The following TPM3 variants were observed in gnomAD, a reference collection of about 807,000 sequenced individuals.
TPM3 encodes tropomyosin alpha-3 chain.
Under a neutral mutation model 43.1 loss-of-function variants are expected in TPM3, and 16 were observed. The ratio of observed to expected loss-of-function variants is 0.37; its 90% confidence interval spans 0.25 to 0.56. TPM3 has a LOEUF of 0.56. Among genes scored for constraint, TPM3 ranks in the 20% least tolerant of loss-of-function variants. The pLI is 0.77. For synonymous variants in TPM3, 101 were observed against 116.9 expected (o/e 0.86, Z 0.88); for missense variants, 176 against 337.2 (o/e 0.52, Z 3.74).
chr1:154,181,153 T>C (rs1662898858), intron 2 of TPM3, among the ~76,000 whole-genome samples: 1 of 152,114 alleles, frequency 6.6e-6, no homozygotes, highest in Admixed American at 6.5e-5. Context: ...TAATAAGAAG[T>C]TGTTGGCAAA....
At chr1:154,158,839 C>T, downstream of TPM3, 1 of 696,914 alleles carries the variant, frequency 1.4e-6, no homozygotes, top group Admixed American at 2.0e-5. Context: ...ATTCTAACTG[C>T]CCCAATTAAA....
chr1:154,189,199 T>G, intron 2 of TPM3, among the ~76,000 whole-genome samples: 1 of 130,654 alleles, frequency 7.7e-6, no homozygotes, highest in Non-Finnish European at 1.6e-5. Flanking sequence ...CGCAGTGGCT[T>G]AGGCTGGGCG....
intron 8 of TPM3, 128 bp from the exon 9 acceptor site, chr1:154,169,511 A>G: frequency 1.1e-6 from 1 of 890,668 alleles, no homozygotes; most frequent in Non-Finnish European, 1.8e-6. Context: ...CAGTTAGGAA[A>G]ATATCTACTC....
At chr1:154,191,653 C>T in intron 1 of TPM3, 1 of 1,427,238 alleles carries the variant, frequency 7.0e-7, no homozygotes, top group Non-Finnish European at 9.1e-7. Flanking sequence ...GTCAAGGGTT[C>T]TTCCAAAACA....
Position 154,166,476 on chromosome 1 carries a change from G to C in TPM3, c.*1461C>G, listed in dbSNP as rs1255946768. On this transcript the variant is annotated 3_prime_UTR_variant, in exon 10 of 10. Coordinates refer to ENST00000651641, the MANE Select transcript of TPM3 (RefSeq NM_152263.4). ...TAGCACACTACAGTGCAGAACTCCT[G>C]GGCTCAAGCAATCCTCCTGCCTCAG... The C allele has an allele frequency of 4.0e-6, 4 of 996,094 alleles. No individual in the cohort carries two copies. Among genetic ancestry groups the C allele is most frequent in the Non-Finnish European group, 4.9e-6 (4 of 818,526 alleles). The allele number at this position is 996,094 out of a possible 1,614,324, so 61.7% of individuals were successfully genotyped here.
At chr1:154,186,297 T>C (rs564895238) in intron 2 of TPM3, among the ~76,000 whole-genome samples, 1 of 151,588 alleles carries the variant, frequency 6.6e-6, no homozygotes, top group African/African-American at 2.4e-5. Context: ...CCCTGTGCCC[T>C]GGTAAAGCAG....
At chr1:154,183,013 T>C in intron 2 of TPM3, 3 of 1,610,436 alleles carry the variant, frequency 1.9e-6, no homozygotes, top group Non-Finnish European at 2.5e-6. Flanking sequence ...CCTTTCTCCC[T>C]CAACTTCTCG....
chr1:154,162,952 A>G lies in TPM3; in HGVS notation c.*4985T>C, dbSNP rs1660538528. Among the ~76,000 whole-genome samples, 3 of 152,112 alleles carry G rather than the reference A, an allele frequency of 2.0e-5. No individual in the cohort carries two copies. In the South Asian group the frequency reaches 6.2e-4, roughly 32 times the overall value. On this transcript the variant is annotated 3_prime_UTR_variant, in exon 10 of 10. Transcript: ENST00000651641. ...CAGCCTCTCGAGTAGTTGGGACTAC[A>G]GGCATGTGCCACCATGTCCAGCTAA...
At chr1:154,158,960 C>T (rs368581958), downstream of TPM3, 1 of 780,104 alleles carries the variant, frequency 1.3e-6, no homozygotes, top group African/African-American at 1.7e-5. Flanking sequence ...CATCATTGAG[C>T]CCTGCCCATC....
chr1:154,165,799 A>G lies in TPM3; in HGVS notation c.*2138T>C, dbSNP rs566002553. On this transcript the variant is annotated 3_prime_UTR_variant, in exon 10 of 10. Transcript: ENST00000651641. Reference sequence around the variant, plus strand: ...AGTCAAACTCCGTCTCAAAAAAAAAAAAAAAAAGAAAAAAAGAAAAAAGTT... The same window carrying G: ...AGTCAAACTCCGTCTCAAAAAAAAAGAAAAAAAGAAAAAAAGAAAAAAGTT... Among the ~76,000 whole-genome samples the G allele has an allele frequency of 4.9e-4, 74 of 151,946 alleles. 2 individuals are homozygous for G. The East Asian group carries it at 0.014, about 28-fold the overall frequency.
chr1:154,159,076 C>G (rs1427052734), downstream of TPM3: 1 of 779,710 alleles, frequency 1.3e-6, no homozygotes, highest in Admixed American at 1.7e-5. Flanking sequence ...AGGAGGGGAA[C>G]ACAAGAGAAG....
chr1:154,158,976 C>T (rs757808319), downstream of TPM3: 1 of 780,618 alleles, frequency 1.3e-6, no homozygotes, highest in Admixed American at 1.7e-5. Context: ...CCATCAGTCA[C>T]ACAGATCATG....
intron 2 of TPM3, among the ~76,000 whole-genome samples, chr1:154,179,609 C>T (rs572661418): frequency 1.3e-5 from 2 of 152,226 alleles, no homozygotes; most frequent in South Asian, 4.1e-4. Flanking sequence ...TCCCCCAGTG[C>T]CGATACTCGC....
At chr1:154,176,021 G>C (rs1276455954) in intron 3 of TPM3, 94 bp downstream of exon 3, 10 of 1,591,528 alleles carry the variant, frequency 6.3e-6, no homozygotes, top group Non-Finnish European at 8.6e-6. Flanking sequence ...CACGCAGCCA[G>C]AATTGCTATT....
chr1:154,182,686 C>T (rs2148281150), intron 2 of TPM3, among the ~76,000 whole-genome samples: 1 of 152,262 alleles, frequency 6.6e-6, no homozygotes, highest in South Asian at 2.1e-4. Context: ...CCTCCCACGG[C>T]CGCGCCCGGA....
Position 154,167,936 on chromosome 1 carries a change from A to T in TPM3, c.*1T>A. On this transcript the variant is annotated 3_prime_UTR_variant, in exon 10 of 10. Coordinates refer to ENST00000651641, the MANE Select transcript of TPM3 (RefSeq NM_152263.4). ...CCAGAACAGAGCAGAAACGGTGATA[A>T]TTATCTGTATGAAAAAGTAAGGATA... 3.1e-6 allele frequency: 5 copies of T among 1,614,100 alleles called. No homozygotes were observed. The highest frequency in any genetic ancestry group is 4.2e-6 in the Non-Finnish European group (5 of 1,179,992).
At chr1:154,191,377 G>T in intron 1 of TPM3, 66 bp from the exon 2 acceptor site, 1 of 1,608,006 alleles carries the variant, frequency 6.2e-7, no homozygotes. Context: ...TGGACCCTGG[G>T]CTCTTGGAGC....
chr1:154,176,064 GA>G (rs774944494), intron 3 of TPM3, 50 bp downstream of exon 3: 20 of 1,611,122 alleles, frequency 1.2e-5, no homozygotes, highest in Non-Finnish European at 1.7e-5. Flanking sequence ...ATCTTGATCA[GA>G]ACTATTATGA....
intron 2 of TPM3, among the ~76,000 whole-genome samples, chr1:154,183,974 C>T (rs1571445016): frequency 6.6e-6 from 1 of 151,552 alleles, no homozygotes; most frequent in Non-Finnish European, 1.5e-5. Context: ...AGCCTCCTAC[C>T]TCAGCCTCCG....
Sources: allele counts gnomAD v4.1 joint callset (sites outside exome capture counted in the v4.1 genomes callset), GRCh38; gene constraint gnomAD v4.1.1; transcripts MANE v1.5; gene names NCBI Gene and HGNC (gene_info 2026-07-23, HGNC 2026-07-21).